Variants in FABP7 observed in about 807,000 individuals in gnomAD.
The protein encoded by FABP7 is fatty acid-binding protein, brain.
In FABP7, 13 loss-of-function variants were observed where a neutral mutation model predicts 14.2. The ratio of observed to expected loss-of-function variants is 0.91; its 90% CI spans 0.59 to 1.45. The LOEUF is 1.45. Among genes scored for constraint, FABP7 ranks in the 40% most tolerant of loss-of-function variants. The pLI is 0.00. For synonymous variants in FABP7, 49 were observed against 51.4 expected, an observed-to-expected ratio of 0.95 and a Z score of 0.20; for missense variants, 149 against 157.6, an observed-to-expected ratio of 0.95 and a Z score of 0.29.
chr6:122,749,418 T>C, the FABP7 span, among the ~76,000 whole-genome samples: 2 of 152,220 alleles, frequency 1.3e-5, no homozygotes, highest in African/African-American at 2.4e-5. Context: ...ATAATGATAA[T>C]AGTGAAAATT....
chr6:122,781,427 T>C, intron 3 of FABP7: 1 of 1,408,886 alleles, frequency 7.1e-7, no homozygotes, highest in Non-Finnish European at 9.3e-7. Context: ...GAAAAATTCA[T>C]GTGTAGTTAA....
chr6:122,776,711 T>C (rs1159740809), upstream of FABP7, among the ~76,000 whole-genome samples: 1 of 152,216 alleles, frequency 6.6e-6, no homozygotes, highest in Admixed American at 6.5e-5. Flanking sequence ...AATGAGGTGA[T>C]AAATATCATA....
the FABP7 span, among the ~76,000 whole-genome samples, chr6:122,774,022 T>C: frequency 6.6e-6 from 1 of 152,148 alleles, no homozygotes; most frequent in Non-Finnish European, 1.5e-5. Flanking sequence ...GATGCGTTTG[T>C]ATGATAAAAG....
the FABP7 span, among the ~76,000 whole-genome samples, chr6:122,762,255 T>C: frequency 6.6e-6 from 1 of 152,114 alleles, no homozygotes; most frequent in African/African-American, 2.4e-5. Context: ...TCAATAAACA[T>C]AATCCATCAT....
chr6:122,758,355 A>T, the FABP7 span, among the ~76,000 whole-genome samples: 5 of 152,216 alleles, frequency 3.3e-5, no homozygotes, highest in South Asian at 1.0e-3. Flanking sequence ...TGATCCGCCC[A>T]CCTTGGCCTC....
At chr6:122,770,940 T>C in the FABP7 span, among the ~76,000 whole-genome samples, 20,223 of 152,214 alleles carry the variant, frequency 0.13, 2,154 homozygotes, top group East Asian at 0.51. Context: ...TTGATTTAGG[T>C]TTTGCCTATT....
In FABP7 at chr6:122,779,856, T is replaced by G; in HGVS notation, c.62T>G (p.Met21Arg). 1 of 1,614,056 alleles carries G rather than the reference T, an allele frequency of 6.2e-7. No homozygotes were observed. The highest frequency in any genetic ancestry group is 8.5e-7 in the Non-Finnish European group (1 of 1,179,962). ...AACAGTCAGAACTTTGATGAGTACA[T>G]GAAGGCTCTAGGTAGGTAACAATAA... The part of the protein sequence containing the change: ...LTNSQNFDEY[M>R]KALGVGFATR... Residue 21 changes from methionine to arginine, a missense_variant, in exon 1 of 4, where the codon ATG (methionine) becomes AGG (arginine). Coordinates refer to ENST00000368444, the MANE Select transcript of FABP7 (RefSeq NM_001446.5).
chr6:122,771,880 T>C, the FABP7 span, among the ~76,000 whole-genome samples: 1 of 152,232 alleles, frequency 6.6e-6, no homozygotes, highest in Non-Finnish European at 1.5e-5. Flanking sequence ...TGTATATTTC[T>C]ATATTTGTTC....
At chr6:122,763,844 C>A in the FABP7 span, among the ~76,000 whole-genome samples, 1 of 152,270 alleles carries the variant, frequency 6.6e-6, no homozygotes, top group Admixed American at 6.5e-5. Flanking sequence ...CAATGAGGTA[C>A]CATCTCACAC....
the FABP7 span, among the ~76,000 whole-genome samples, chr6:122,755,294 A>G: frequency 6.6e-6 from 1 of 152,058 alleles, no homozygotes; most frequent in African/African-American, 2.4e-5. Flanking sequence ...AACACTAAAA[A>G]ACATGTACTT....
chr6:122,760,577 T>C, the FABP7 span, among the ~76,000 whole-genome samples: 7 of 152,078 alleles, frequency 4.6e-5, no homozygotes, highest in Admixed American at 4.6e-4. Context: ...TTTAGATTAA[T>C]TGAATTTTCT....
the FABP7 span, among the ~76,000 whole-genome samples, chr6:122,759,621 A>G: frequency 6.6e-6 from 1 of 152,308 alleles, no homozygotes; most frequent in East Asian, 1.9e-4. Flanking sequence ...AACTGTGACA[A>G]TAATGCTTAT....
rs188387064 is a variant in FABP7, at chr6:122,782,879, A to G, written c.349-838A>G. The G allele has an allele frequency of 5.4e-3, 5,325 of 985,366 alleles. 26 individuals are homozygous for G. The highest frequency in any genetic ancestry group is 6.9e-3 in the Admixed American group (113 of 16,276). The allele number at this position is 985,366 out of a possible 1,614,324, so 61.0% of individuals were successfully genotyped here. Reference sequence around the variant, plus strand: ...TTTTTTGGCAACAATCAATAAAAGAAAGGACTCATTTCTAAAAGATTCGCT... The same window carrying G: ...TTTTTTGGCAACAATCAATAAAAGAGAGGACTCATTTCTAAAAGATTCGCT... On this transcript the variant is annotated intron_variant, in intron 3 of 3. Coordinates refer to ENST00000368444, the MANE Select transcript of FABP7 (RefSeq NM_001446.5).
At chr6:122,762,193 T>C in the FABP7 span, among the ~76,000 whole-genome samples, 4 of 152,184 alleles carry the variant, frequency 2.6e-5, no homozygotes, top group Non-Finnish European at 4.4e-5. Flanking sequence ...GTATCCACCA[T>C]GATCAAGTGG....
chr6:122,783,807 TTC>T lies in FABP7; in HGVS notation c.*42_*43del. On this transcript the variant is annotated 3_prime_UTR_variant, in exon 4 of 4. Transcript: ENST00000368444. ...GGGGCTTGGAAGAGCTCTTCAGTTT[TTC>T]TGTTTCCTCAAGTCTCAGTGCTATC... 1.3e-6 allele frequency: 2 copies of T among 1,528,852 alleles called. No homozygotes were observed. Among genetic ancestry groups the T allele is most frequent in the Non-Finnish European group, 1.8e-6 (2 of 1,109,568 alleles). 94.7% of individuals were successfully genotyped at this position (1,528,852 alleles called of 1,614,324 possible).
chr6:122,779,599 C>T, upstream of FABP7: 1 of 601,310 alleles, frequency 1.7e-6, no homozygotes, highest in East Asian at 2.8e-5. Flanking sequence ...CCCTTCTCCT[C>T]TCTCTGTGAC....
chr6:122,765,090 G>C, the FABP7 span, among the ~76,000 whole-genome samples: 1 of 151,926 alleles, frequency 6.6e-6, no homozygotes, highest in African/African-American at 2.4e-5. Flanking sequence ...ACATGTAATG[G>C]GAAAAAAATG....
chr6:122,763,191 A>G, the FABP7 span, among the ~76,000 whole-genome samples: 1 of 152,206 alleles, frequency 6.6e-6, no homozygotes, highest in Non-Finnish European at 1.5e-5. Flanking sequence ...CAAAACAGAT[A>G]TATAGATCAA....
chr6:122,781,740 CTTT>C (rs34336029), intron 3 of FABP7: 2,871 of 737,188 alleles, frequency 3.9e-3, no homozygotes, highest in Middle Eastern at 4.4e-3. Flanking sequence ...AGTGATAACC[CTTT>C]TTTTTTTTTT....
Sources: gnomAD v4.1 joint callset for allele counts (sites outside exome capture counted in the v4.1 genomes callset) on GRCh38, gnomAD v4.1.1 for gene constraint, MANE v1.5 for transcripts, NCBI Gene and HGNC (gene_info 2026-07-23, HGNC 2026-07-21) for gene names.